NDUFAF5: variants seen among roughly 807,000 people sequenced by gnomAD.
The protein encoded by NDUFAF5 is arginine-hydroxylase NDUFAF5, mitochondrial.
Under a neutral mutation model 48.9 loss-of-function variants are expected in NDUFAF5, and 34 were observed. The observed-to-expected ratio is 0.70, with a 90% CI of 0.53 to 0.93. The LOEUF (loss-of-function observed/expected upper bound fraction) is 0.93. Ranked by LOEUF, NDUFAF5 falls within the 40% of genes least tolerant of loss-of-function variation. NDUFAF5 has a pLI of 0.00. For synonymous variants in NDUFAF5, 153 were observed against 150.6 expected (o/e 1.02, Z -0.12); for missense variants, 428 against 427.5 (o/e 1.00, Z -0.01).
intron 3 of NDUFAF5, among the ~76,000 whole-genome samples, chr20:13,792,856 A>C (rs1192514719): frequency 6.6e-6 from 1 of 152,166 alleles, no homozygotes; most frequent in African/African-American, 2.4e-5. Flanking sequence ...CGGGAAACTC[A>C]TAGCAGGTCC....
At position 13,821,536 on chromosome 20, in the gene NDUFAF5, ATATCT is replaced by A. The variant is rs1986979192; in HGVS notation, c.*4332_*4336del. On this transcript the variant is annotated 3_prime_UTR_variant, in exon 11 of 11. Coordinates refer to ENST00000378106, the MANE Select transcript of NDUFAF5 (RefSeq NM_024120.5). ...AACCACCTAGCTAAGCCACTCTCAA[ATATCT>A]TATCTACAGAAACTGAGATGATAAA... 6.6e-6 allele frequency: 1 copy of A among 152,242 alleles called. No individual in the cohort carries two copies. Among genetic ancestry groups the A allele is most frequent in the South Asian group, 2.1e-4 (1 of 4,832 alleles). The allele number at this position is 152,242 out of a possible 1,614,324, so 9.4% of individuals were successfully genotyped here. A position where few individuals can be genotyped will look rare whatever the true frequency, so the allele number is the denominator to read the frequency against.
At chr20:13,800,045 G>T (rs933826742) in intron 6 of NDUFAF5, among the ~76,000 whole-genome samples, 5 of 152,166 alleles carry the variant, frequency 3.3e-5, no homozygotes, top group African/African-American at 1.2e-4. Context: ...CCTTGTAGGG[G>T]TTGGAGGGAG....
At chr20:13,789,403 G>T (rs2147489405) in intron 3 of NDUFAF5, among the ~76,000 whole-genome samples, 1 of 152,146 alleles carries the variant, frequency 6.6e-6, no homozygotes. Context: ...GCCCTCAGGT[G>T]ATCCGCCTGT....
chr20:13,794,991 G>T (rs1485065765), intron 5 of NDUFAF5, 50 bp downstream of exon 5: 3 of 1,347,764 alleles, frequency 2.2e-6, no homozygotes, highest in Non-Finnish European at 2.1e-6. Context: ...GATCATTCTT[G>T]CCATAAAGTT....
At chr20:13,800,863 A>C (rs1230050665) in intron 6 of NDUFAF5, among the ~76,000 whole-genome samples, 5 of 152,132 alleles carry the variant, frequency 3.3e-5, no homozygotes, top group African/African-American at 1.2e-4. Flanking sequence ...GCCTCGGTGC[A>C]CACAGCTGGC....
At chr20:13,797,986 C>T (rs1222367798) in intron 5 of NDUFAF5, among the ~76,000 whole-genome samples, 1 of 152,152 alleles carries the variant, frequency 6.6e-6, no homozygotes, top group African/African-American at 2.4e-5. Flanking sequence ...TGATGAGTTA[C>T]ACTGTTTGCC....
At chr20:13,815,897 A>C (rs906610811) in intron 8 of NDUFAF5, among the ~76,000 whole-genome samples, 6 of 152,118 alleles carry the variant, frequency 3.9e-5, no homozygotes. Context: ...TAAAACATTA[A>C]GAGAAGTACC....
intron 7 of NDUFAF5, among the ~76,000 whole-genome samples, chr20:13,807,831 C>G (rs1377209065): frequency 6.6e-6 from 1 of 151,912 alleles, no homozygotes; most frequent in Non-Finnish European, 1.5e-5. Context: ...CGCCTGTAAT[C>G]CCAGCTACTC....
chr20:13,815,995 A>G (rs937191754), intron 8 of NDUFAF5: 10 of 202,344 alleles, frequency 4.9e-5, no homozygotes, highest in Non-Finnish European at 1.0e-4. Context: ...GGTACTATCT[A>G]ATGAGTTTCA....
Position 13,788,637 on chromosome 20 carries a change from A to G in NDUFAF5, c.312A>G (p.Ala104=). ...LDLGCGRGYI[A]QYLNKETIGK... ...TTGGTTGTGGAAGAGGTTACATTGC[A>G]CAATATTTGAATAAGGTATATTTAT... Residue 104 remains alanine (A), a synonymous_variant, in exon 3 of 11, where the codon GCA becomes GCG. Coordinates refer to ENST00000378106, the MANE Select transcript of NDUFAF5 (RefSeq NM_024120.5). The G allele has an allele frequency of 6.2e-7, 1 of 1,609,550 alleles. No individual in the cohort carries two copies. Among genetic ancestry groups the G allele is most frequent in the Non-Finnish European group, 8.5e-7 (1 of 1,176,042 alleles).
At chr20:13,791,129 C>T (rs913258233) in intron 3 of NDUFAF5, among the ~76,000 whole-genome samples, 4 of 152,088 alleles carry the variant, frequency 2.6e-5, no homozygotes, top group Admixed American at 1.3e-4. Flanking sequence ...GCAAGGAGCA[C>T]GGGATCATTC....
intron 7 of NDUFAF5, among the ~76,000 whole-genome samples, chr20:13,804,474 A>G (rs1263263849): frequency 1.3e-5 from 2 of 152,024 alleles, no homozygotes; most frequent in Non-Finnish European, 2.9e-5. Flanking sequence ...ATATGTATTC[A>G]CACATTTCTG....
rs143209478 is a variant in NDUFAF5 at position 13,794,133 on chromosome 20, T to C, written c.376-705T>C. Among the ~76,000 whole-genome samples, 147 of 152,304 alleles carry C rather than the reference T, an allele frequency of 9.7e-4. 1 individual carries two copies. Among genetic ancestry groups the C allele is most frequent in the African/African-American group, 3.4e-3 (141 of 41,574 alleles). ...CTATTAATAGAAGTTTTTAATTAGT[T>C]TATCATCAAATATATCAGTCTTTTC... On this transcript the variant is annotated intron_variant, in intron 4 of 10. Coordinates refer to ENST00000378106, the MANE Select transcript of NDUFAF5 (RefSeq NM_024120.5).
chr20:13,789,790 T>C (rs968831769), intron 3 of NDUFAF5, among the ~76,000 whole-genome samples: 37 of 152,316 alleles, frequency 2.4e-4, no homozygotes, highest in African/African-American at 8.7e-4. Flanking sequence ...AAAGTGGAAT[T>C]TCTACGTAAA....
chr20:13,810,776 C>T (rs1420736844), intron 8 of NDUFAF5, among the ~76,000 whole-genome samples: 2 of 151,894 alleles, frequency 1.3e-5, no homozygotes, highest in African/African-American at 4.8e-5. Flanking sequence ...AGGGGTTGAC[C>T]TTGGTAAGGG....
chr20:13,793,061 C>T, intron 3 of NDUFAF5, 119 bp from the exon 4 acceptor site: 6 of 1,070,376 alleles, frequency 5.6e-6, no homozygotes, highest in Non-Finnish European at 8.6e-6. Context: ...TGGTTTTATG[C>T]AGAAATATAC....
chr20:13,793,264 G>T, intron 4 of NDUFAF5, 37 bp downstream of exon 4: 1 of 1,486,786 alleles, frequency 6.7e-7, no homozygotes, highest in African/African-American at 1.4e-5. Context: ...TTCTAATCTC[G>T]TGATGTGTTT....
At chr20:13,810,681 A>T (rs1226013598) in intron 8 of NDUFAF5, among the ~76,000 whole-genome samples, 2 of 151,904 alleles carry the variant, frequency 1.3e-5, no homozygotes, top group Non-Finnish European at 2.9e-5. Flanking sequence ...TTCCTAGAAG[A>T]GGTGACTCTA....
intron 7 of NDUFAF5, chr20:13,801,983 A>G (rs777956961): frequency 3.1e-6 from 1 of 321,756 alleles, no homozygotes; most frequent in Non-Finnish European, 5.8e-6. Flanking sequence ...CTTCAAATCT[A>G]GTATTAGGTG....
Sources: gnomAD v4.1 joint callset for allele counts (sites outside exome capture counted in the v4.1 genomes callset) on GRCh38, gnomAD v4.1.1 for gene constraint, MANE v1.5 for transcripts, NCBI Gene and HGNC (gene_info 2026-07-23, HGNC 2026-07-21) for gene names.